DNAJB1: variants seen among roughly 807,000 people sequenced by gnomAD.
DNAJB1 encodes the protein dnaJ homolog subfamily B member 1.
In DNAJB1, 14 loss-of-function variants were observed where a neutral mutation model predicts 24.0. The observed-to-expected ratio is 0.58, with a 90% CI of 0.39 to 0.91. The LOEUF is 0.91. Ranked by LOEUF, DNAJB1 falls within the 40% of genes least tolerant of loss-of-function variation. The pLI, the probability that DNAJB1 is intolerant of heterozygous loss-of-function variation, is 0.00. For synonymous variants in DNAJB1, 262 were observed against 174.4 expected, an observed-to-expected ratio of 1.50 and a Z score of -3.96; for missense variants, 517 against 458.1, an observed-to-expected ratio of 1.13 and a Z score of -1.17.
chr19:14,543,761 CAG>C (rs1365853113), intron 1 of DNAJB1, among the ~76,000 whole-genome samples: 3 of 150,144 alleles, frequency 2.0e-5, no homozygotes, highest in Non-Finnish European at 4.4e-5. Flanking sequence ...TAAATTGAGA[CAG>C]AGTCTCCCTT....
At chr19:14,529,654 G>T, upstream of DNAJB1, 2 of 1,613,860 alleles carry the variant, frequency 1.2e-6, no homozygotes, top group Non-Finnish European at 1.7e-6. Flanking sequence ...CGCGCAGTTA[G>T]GCAGCAGCAG....
In DNAJB1 at chr19:14,515,933, C is replaced by CA; in HGVS notation, c.*6dup. The CA allele has an allele frequency of 6.2e-7, 1 of 1,605,502 alleles. No individual in the cohort carries two copies. Among genetic ancestry groups the CA allele is most frequent in the Non-Finnish European group, 8.5e-7 (1 of 1,177,982 alleles). The stretch of plus-strand genomic sequence containing the variant: ...GTCCCTGGTCAGTCCTTGGGGAGCT[C>CA]AGATAGCTATATTGGAAGAACCTGC... On this transcript the variant is annotated 3_prime_UTR_variant, in exon 3 of 3. Coordinates refer to ENST00000254322, the MANE Select transcript of DNAJB1 (RefSeq NM_006145.3).
Position 14,517,004 on chromosome 19 carries a change from G to A in DNAJB1, c.254C>T (p.Ala85Val). Residue 85 changes from alanine (A) to valine (V), a missense_variant, in exon 2 of 3, where the codon GCC (alanine) becomes GTC (valine). Coordinates refer to ENST00000254322, the MANE Select transcript of DNAJB1 (RefSeq NM_006145.3). Reference protein sequence around the residue: ...SGPSGGSGGGANGTSFSYTFH... With the variant: ...SGPSGGSGGGVNGTSFSYTFH... ...TGTGTAGCTGAAAGAGGTACCATTGGCACCACCGCCGCTACCGCCACTGGG... is the reference window on the plus strand; with the variant it reads ...TGTGTAGCTGAAAGAGGTACCATTGACACCACCGCCGCTACCGCCACTGGG... 6.2e-7 allele frequency: 1 copy of A among 1,607,436 alleles called. No homozygotes were observed. The highest frequency in any genetic ancestry group is 8.5e-7 in the Non-Finnish European group (1 of 1,177,398).
In DNAJB1 at chr19:14,526,859, A is replaced by G. The variant is rs1299645903; in HGVS notation, c.-90+867T>C. The stretch of plus-strand genomic sequence containing the variant: ...GTCTTAGGGTTTCAACCCTATCCCC[A>G]TGGCCCCTCACAATCAAGTACCTCA... On this transcript the variant is annotated intron_variant, in intron 2 of 3. Coordinates refer to the DNAJB1 transcript ENST00000396969. Among the ~76,000 whole-genome samples, 5 of 152,260 alleles carry G rather than the reference A, an allele frequency of 3.3e-5. No homozygotes were observed. The East Asian group carries it at 9.6e-4, about 29-fold the overall frequency.
chr19:14,552,893 A>G (rs1367063311), upstream of DNAJB1, among the ~76,000 whole-genome samples: 1 of 151,912 alleles, frequency 6.6e-6, no homozygotes. Context: ...GCATAGTCCT[A>G]GGTACAGGGT....
chr19:14,554,488 C>T (rs1328779915), upstream of DNAJB1, among the ~76,000 whole-genome samples: 2 of 152,140 alleles, frequency 1.3e-5, no homozygotes, highest in Non-Finnish European at 2.9e-5. Flanking sequence ...GCCATTGAAC[C>T]TGCTTGTTTA....
At chr19:14,560,144 G>A (rs1490942455) in exon 1 of DNAJB1, among the ~76,000 whole-genome samples, 1 of 152,164 alleles carries the variant, frequency 6.6e-6, no homozygotes, top group Non-Finnish European at 1.5e-5. Context: ...GCAGCCCGGC[G>A]TCCTCTCCCA....
chr19:14,529,352 G>GA (rs1218543702), upstream of DNAJB1: 6 of 476,646 alleles, frequency 1.3e-5, no homozygotes, highest in African/African-American at 2.0e-5. Context: ...GTGGCAAAGG[G>GA]ACGCGCGGGG....
chr19:14,550,073 A>G (rs1389372003), intron 1 of DNAJB1, among the ~76,000 whole-genome samples: 1 of 151,886 alleles, frequency 6.6e-6, no homozygotes, highest in Non-Finnish European at 1.5e-5. Context: ...GATTTATTTC[A>G]TTGTCACTCT....
chr19:14,550,406 G>A (rs1482507610), upstream of DNAJB1, among the ~76,000 whole-genome samples: 1 of 152,080 alleles, frequency 6.6e-6, no homozygotes, highest in African/African-American at 2.4e-5. Context: ...TCGGGCAGTC[G>A]GGGGTTGGCC....
chr19:14,529,666 C>G (rs907232562), upstream of DNAJB1: 3 of 1,613,626 alleles, frequency 1.9e-6, no homozygotes, highest in Admixed American at 1.7e-5. Flanking sequence ...CAGCAGCAGC[C>G]GCGGAGCAGT....
At chr19:14,527,165 CTTTTTTTTTTTTTTTT>C (rs369143149) in intron 2 of DNAJB1, among the ~76,000 whole-genome samples, 443 of 41,328 alleles carry the variant, frequency 0.011, 9 homozygotes, top group African/African-American at 0.037. Context: ...AATATCTCTG[CTTTTTTTTTTTTTTTT>C]TTTTTTTTTT....
rs1008897308 is a variant in DNAJB1, at chr19:14,547,365, ATTTTATGT to A, written c.-214+2835_-214+2842del. Among the ~76,000 whole-genome samples the A allele has an allele frequency of 2.8e-5, 4 of 141,000 alleles. No individual in the cohort carries two copies. The Admixed American group carries it at 2.9e-4, about 10-fold the overall frequency. The allele number at this position is 141,000 out of a possible 152,430, so 92.5% of individuals were successfully genotyped here. ...GGCCTATTTTATTTTATTTTATTTT[ATTTTATGT>A]TTTTTGAGACAGAGTCTCAGTCTGT... On this transcript the variant is annotated intron_variant, in intron 1 of 3. Coordinates refer to the DNAJB1 transcript ENST00000676982.
chr19:14,540,022 G>A lies in DNAJB1; in HGVS notation c.-214+10186C>T, dbSNP rs536747817. 2.0e-5 allele frequency among the ~76,000 whole-genome samples: 3 copies of A among 151,450 alleles called. No individual in the cohort carries two copies. In the South Asian group the frequency reaches 6.3e-4, roughly 32 times the overall value. On this transcript the variant is annotated intron_variant, in intron 1 of 3. Transcript: ENST00000676982. ...AGCCTCCTGAGTAGCTGGGATTACA[G>A]GTACCCGCCACCATGCCTGGCTAAT...
intron 1 of DNAJB1, among the ~76,000 whole-genome samples, chr19:14,557,710 C>T (rs1282290696): frequency 1.3e-5 from 2 of 151,248 alleles, no homozygotes; most frequent in Non-Finnish European, 2.9e-5. Context: ...CCTTGGCCTC[C>T]CAAAGTGCTA....
intron 2 of DNAJB1, among the ~76,000 whole-genome samples, chr19:14,524,858 C>T: frequency 1.4e-5 from 1 of 71,154 alleles, no homozygotes; most frequent in African/African-American, 8.7e-5. Context: ...AAAAAAAAGA[C>T]CTTCAAAAAG....
At chr19:14,533,882 A>G (rs561074620), upstream of DNAJB1, 3 of 152,258 alleles carry the variant, frequency 2.0e-5, no homozygotes, top group South Asian at 6.2e-4. Flanking sequence ...CCTAGGATAC[A>G]GTATTTTTTT....
In DNAJB1 at chr19:14,516,456, G is replaced by T; in HGVS notation, c.792+10C>A. ...GCCCTCTACAGACACCGCCCCACCTGGCACCTTACCTCCCGGAGGCTGATC... is the reference window on the plus strand; with the variant it reads ...GCCCTCTACAGACACCGCCCCACCTTGCACCTTACCTCCCGGAGGCTGATC... On this transcript the variant is annotated intron_variant, in intron 2 of 2. Coordinates refer to ENST00000254322, the MANE Select transcript of DNAJB1 (RefSeq NM_006145.3). 1 of 1,608,674 alleles carries T rather than the reference G, an allele frequency of 6.2e-7. No homozygotes were observed.
intron 1 of DNAJB1, among the ~76,000 whole-genome samples, chr19:14,538,951 T>C (rs1258813425): frequency 6.6e-6 from 1 of 150,850 alleles, no homozygotes; most frequent in African/African-American, 2.4e-5. Context: ...AGTTTTGATA[T>C]AATGTCACAC....
Sources: gnomAD v4.1 joint callset for allele counts (sites outside exome capture counted in the v4.1 genomes callset) on GRCh38, gnomAD v4.1.1 for gene constraint, MANE v1.5 for transcripts, NCBI Gene and HGNC (gene_info 2026-07-23, HGNC 2026-07-21) for gene names.